SCAPER: variants seen among roughly 807,000 people sequenced by gnomAD.
SCAPER encodes the protein S phase cyclin A-associated protein in the endoplasmic reticulum.
A neutral mutation model predicts 182.2 loss-of-function variants in SCAPER; 98 were observed. The observed-to-expected ratio is 0.54, with a 90% CI of 0.46 to 0.64. SCAPER has a LOEUF of 0.64. SCAPER is among the 30% of genes least tolerant of loss of function. The pLI is 0.00. For synonymous variants in SCAPER, 605 were observed against 564.6 expected, an observed-to-expected ratio of 1.07 and a Z score of -1.01; for missense variants, 1,432 against 1,690.0, an observed-to-expected ratio of 0.85 and a Z score of 2.68.
chr15:76,811,330 T>C (rs2066603848), intron 5 of SCAPER, among the ~76,000 whole-genome samples: 1 of 151,722 alleles, frequency 6.6e-6, no homozygotes, highest in South Asian at 2.1e-4. Context: ...AAATCAGTAA[T>C]AGCAAGAACA....
intron 5 of SCAPER, among the ~76,000 whole-genome samples, chr15:76,819,325 G>A (rs2067331838): frequency 6.6e-6 from 1 of 152,202 alleles, no homozygotes; most frequent in Admixed American, 6.5e-5. Flanking sequence ...GCCTAACTGG[G>A]AGCCACCCCC....
intron 4 of SCAPER, among the ~76,000 whole-genome samples, chr15:76,845,093 G>A (rs1364752337): frequency 6.6e-6 from 1 of 152,044 alleles, no homozygotes; most frequent in Non-Finnish European, 1.5e-5. Flanking sequence ...CAATCAATGT[G>A]ATATCATATA....
chr15:76,765,236 G>T, intron 13 of SCAPER, 101 bp downstream of exon 13: 1 of 1,054,728 alleles, frequency 9.5e-7, no homozygotes, highest in Non-Finnish European at 1.4e-6. Context: ...CTGTCCTGAA[G>T]TAATGTGTCC....
intron 6 of SCAPER, among the ~76,000 whole-genome samples, chr15:76,803,441 G>C (rs779753581): frequency 2.6e-5 from 4 of 152,156 alleles, no homozygotes; most frequent in Non-Finnish European, 5.9e-5. Flanking sequence ...ATTTCTTCTT[G>C]ATGACACTTG....
intron 31 of SCAPER, chr15:76,350,619 A>G (rs2040480262): frequency 6.6e-6 from 1 of 152,220 alleles, no homozygotes; most frequent in South Asian, 2.1e-4. Context: ...GTAGCAGAAT[A>G]TTTAAAAAAG....
chr15:76,473,428 G>A (rs2050360595), intron 24 of SCAPER, among the ~76,000 whole-genome samples: 1 of 152,168 alleles, frequency 6.6e-6, no homozygotes, highest in South Asian at 2.1e-4. Context: ...AAGGTCAATG[G>A]GCACGACAGA....
intron 5 of SCAPER, among the ~76,000 whole-genome samples, chr15:76,840,962 A>G (rs1218621752): frequency 1.3e-5 from 2 of 152,254 alleles, no homozygotes; most frequent in African/African-American, 2.4e-5. Flanking sequence ...TTCCCTGACC[A>G]AAGTGAATTA....
intron 1 of SCAPER, among the ~76,000 whole-genome samples, chr15:76,887,667 G>GC (rs1454813258): frequency 4.5e-4 from 69 of 152,264 alleles, no homozygotes; most frequent in Middle Eastern, 3.4e-3. Context: ...ACTAGGCAGA[G>GC]CCCCCCAACA....
At chr15:76,882,369 G>A (rs564599188) in intron 2 of SCAPER, among the ~76,000 whole-genome samples, 34 of 151,836 alleles carry the variant, frequency 2.2e-4, no homozygotes, top group Middle Eastern at 3.4e-3. Flanking sequence ...TCCAGACTGG[G>A]TGACAGAGAG....
chr15:76,904,821 A>G (rs1317638813), intron 1 of SCAPER: 1 of 152,332 alleles, frequency 6.6e-6, no homozygotes, highest in Non-Finnish European at 1.5e-5. Flanking sequence ...AAAGCATGGT[A>G]AACCCCGCTG....
At chr15:76,424,993 A>C (rs950261033) in intron 26 of SCAPER, among the ~76,000 whole-genome samples, 2 of 152,198 alleles carry the variant, frequency 1.3e-5, no homozygotes, top group African/African-American at 4.8e-5. Context: ...ATCAGCTGTT[A>C]GTCTGATGGG....
intron 5 of SCAPER, among the ~76,000 whole-genome samples, chr15:76,820,418 G>A (rs936235448): frequency 2.6e-5 from 4 of 152,154 alleles, no homozygotes; most frequent in African/African-American, 9.7e-5. Flanking sequence ...CACAAAAAAT[G>A]ATGAGTTCAT....
intron 21 of SCAPER, among the ~76,000 whole-genome samples, chr15:76,646,215 G>A (rs968124140): frequency 6.6e-6 from 1 of 152,090 alleles, no homozygotes; most frequent in Non-Finnish European, 1.5e-5. Context: ...GGCTCCGCAC[G>A]TGGAACCCAC....
At chr15:76,390,426 A>G (rs77717908) in intron 27 of SCAPER, among the ~76,000 whole-genome samples, 4,929 of 152,320 alleles carry the variant, frequency 0.032, 119 homozygotes, top group Non-Finnish European at 0.048. Flanking sequence ...ACTAAGAAGA[A>G]GAAACTCTGG....
intron 21 of SCAPER, among the ~76,000 whole-genome samples, chr15:76,659,044 T>G (rs1350729077): frequency 6.6e-6 from 1 of 151,896 alleles, no homozygotes; most frequent in African/African-American, 2.4e-5. Context: ...CAAAAACAAT[T>G]GCAACAACAA....
intron 26 of SCAPER, among the ~76,000 whole-genome samples, chr15:76,423,640 G>A (rs1280320973): frequency 6.6e-6 from 1 of 152,086 alleles, no homozygotes; most frequent in African/African-American, 2.4e-5. Flanking sequence ...TCTCATCTTA[G>A]TTATTTCTTG....
intron 23 of SCAPER, among the ~76,000 whole-genome samples, chr15:76,539,570 G>A (rs747622132): frequency 6.4e-4 from 79 of 123,208 alleles, no homozygotes; most frequent in Non-Finnish European, 8.6e-4. Flanking sequence ...TTTTTGAGAC[G>A]GAGTCTCACT....
intron 4 of SCAPER, among the ~76,000 whole-genome samples, chr15:76,856,589 G>C (rs1178629273): frequency 6.6e-6 from 1 of 151,608 alleles, no homozygotes; most frequent in East Asian, 1.9e-4. Context: ...GTGTGGGGAT[G>C]GGGGATTCTT....
intron 22 of SCAPER, among the ~76,000 whole-genome samples, chr15:76,587,911 A>G (rs952914239): frequency 4.7e-5 from 7 of 147,520 alleles, no homozygotes; most frequent in African/African-American, 1.7e-4. Flanking sequence ...TGTCTTTCTC[A>G]TTTCTTTTTC....
Sources: allele counts gnomAD v4.1 joint callset (sites outside exome capture counted in the v4.1 genomes callset), GRCh38; gene constraint gnomAD v4.1.1; transcripts MANE v1.5; gene names NCBI Gene and HGNC (gene_info 2026-07-23, HGNC 2026-07-21).